Variants in SLIRP observed in about 807,000 individuals in gnomAD.
SLIRP encodes the protein SRA stem-loop interacting RNA binding protein, also known as SRA stem-loop-interacting RNA-binding protein, mitochondrial.
Under a neutral mutation model 13.4 loss-of-function variants are expected in SLIRP, and 12 were observed. The ratio of observed to expected loss-of-function variants is 0.89; its 90% CI spans 0.57 to 1.45. The LOEUF (loss-of-function observed/expected upper bound fraction) is 1.45. SLIRP is among the 40% of genes most tolerant of loss of function. The pLI, the probability that SLIRP is intolerant of heterozygous loss-of-function variation, is 0.00. For missense variants in SLIRP, 154 were observed against 132.2 expected, an observed-to-expected ratio of 1.17 and a Z score of -0.81; for synonymous variants, 55 against 47.1, an observed-to-expected ratio of 1.17 and a Z score of -0.69.
At chr14:77,716,035 G>A (rs2080474941) in intron 3 of SLIRP, 156 bp downstream of exon 3, 11 of 655,528 alleles carry the variant, frequency 1.7e-5, no homozygotes, top group Non-Finnish European at 2.8e-5. Context: ...GTGGGGTGGA[G>A]GCTGGGCACG....
chr14:77,709,502 T>G lies in SLIRP; in HGVS notation c.97+1294T>G, dbSNP rs2080423882. 1.3e-5 allele frequency among the ~76,000 whole-genome samples: 2 copies of G among 152,228 alleles called. 1 individual carries two copies. Among genetic ancestry groups the G allele is most frequent in the South Asian group, 4.1e-4 (2 of 4,834 alleles). On this transcript the variant is annotated intron_variant, in intron 1 of 3. Transcript: ENST00000557342. ...CATTAGCATCTTGCGGATGCAAGTT[T>G]CCAGACAATAAAGGGCTAGTTTAAA... is the stretch of plus-strand genomic sequence containing the variant.
In SLIRP at chr14:77,717,485, AT is replaced by A; in HGVS notation, c.265-4del. 1 of 1,611,496 alleles carries A rather than the reference AT, an allele frequency of 6.2e-7. No individual in the cohort carries two copies. Among genetic ancestry groups the A allele is most frequent in the South Asian group, 1.1e-5 (1 of 90,334 alleles). ...TTGCCTTTCCTCCCTTACAGTGCTTATTTTTTTAAGGTCCAGGTTCACACTA... is the reference window on the plus strand; with the variant it reads ...TTGCCTTTCCTCCCTTACAGTGCTTATTTTTTAAGGTCCAGGTTCACACTA... On this transcript the variant is annotated splice_polypyrimidine_tract_variant and intron_variant, in intron 3 of 3. Transcript: ENST00000557342.
In SLIRP at chr14:77,716,865, G is replaced by C. The variant is rs1023308939; in HGVS notation, c.265-631G>C. On this transcript the variant is annotated intron_variant, in intron 3 of 3. Coordinates refer to ENST00000557342, the MANE Select transcript of SLIRP (RefSeq NM_031210.6). ...CAACCTCCGCCTCCTGGGTTCAAGC[G>C]ATTCTCCTGCCTCAACCTCCCGAGT... 2.0e-5 allele frequency among the ~76,000 whole-genome samples: 3 copies of C among 151,904 alleles called. No homozygotes were observed. In the East Asian group the frequency reaches 5.9e-4, roughly 30 times the overall value.
At chr14:77,714,686 A>G (rs751401857) in intron 2 of SLIRP, among the ~76,000 whole-genome samples, 10 of 152,260 alleles carry the variant, frequency 6.6e-5, no homozygotes, top group Non-Finnish European at 1.3e-4. Context: ...TGTATCTACA[A>G]TGAATGGATC....
chr14:77,709,308 A>G (rs527575517), intron 1 of SLIRP, among the ~76,000 whole-genome samples: 1 of 152,362 alleles, frequency 6.6e-6, no homozygotes, highest in African/African-American at 2.4e-5. Flanking sequence ...TGGAAACAAA[A>G]TGGAGCAAGA....
chr14:77,717,586 A>C lies in SLIRP; in HGVS notation c.*25A>C, dbSNP rs2139886115. 1.3e-6 allele frequency: 2 copies of C among 1,582,586 alleles called. No homozygotes were observed. Among genetic ancestry groups the C allele is most frequent in the East Asian group, 2.2e-5 (1 of 44,712 alleles). On this transcript the variant is annotated 3_prime_UTR_variant, in exon 4 of 4. Coordinates refer to ENST00000557342, the MANE Select transcript of SLIRP (RefSeq NM_031210.6). ...AGACTGCAGCCTATTAATAAAGTTA[A>C]CATAACTGAGAATTTTGTCTAAATG...
intron 2 of SLIRP, among the ~76,000 whole-genome samples, chr14:77,714,427 G>C (rs2080461331): frequency 1.3e-5 from 2 of 152,154 alleles, no homozygotes; most frequent in Non-Finnish European, 2.9e-5. Flanking sequence ...CAGTCACCCA[G>C]ATAGCTGGGA....
chr14:77,709,452 A>G (rs2080423223), intron 1 of SLIRP, among the ~76,000 whole-genome samples: 1 of 152,174 alleles, frequency 6.6e-6, no homozygotes. Context: ...TCCCTGTGAA[A>G]CTTTATGGAA....
chr14:77,712,883 A>G (rs915048390), intron 2 of SLIRP, among the ~76,000 whole-genome samples: 5 of 152,220 alleles, frequency 3.3e-5, no homozygotes, highest in African/African-American at 1.2e-4. Flanking sequence ...ACAATATGGC[A>G]GCTTGCTTCT....
At chr14:77,709,125 T>TA (rs1313867751) in intron 1 of SLIRP, among the ~76,000 whole-genome samples, 1 of 152,238 alleles carries the variant, frequency 6.6e-6, no homozygotes, top group Non-Finnish European at 1.5e-5. Flanking sequence ...AATTGAAACT[T>TA]ACGGGAGAGG....
chr14:77,715,190 A>G (rs1348927923), intron 2 of SLIRP, among the ~76,000 whole-genome samples: 1 of 151,966 alleles, frequency 6.6e-6, no homozygotes, highest in East Asian at 1.9e-4. Flanking sequence ...CTTAGCTATT[A>G]CTGTTAGTAT....
chr14:77,717,388 C>T (rs958540702), intron 3 of SLIRP, 108 bp from the exon 4 acceptor site: 1 of 907,606 alleles, frequency 1.1e-6, no homozygotes, highest in African/African-American at 1.7e-5. Flanking sequence ...CAAATAAAAA[C>T]TGCCTGGGTT....
intron 2 of SLIRP, among the ~76,000 whole-genome samples, chr14:77,713,933 G>A (rs567212612): frequency 3.9e-5 from 6 of 152,202 alleles, no homozygotes; most frequent in African/African-American, 7.2e-5. Flanking sequence ...AATAAAAGGC[G>A]GCTTTGATGT....
At chr14:77,714,253 C>T (rs2080459983) in intron 2 of SLIRP, among the ~76,000 whole-genome samples, 1 of 152,162 alleles carries the variant, frequency 6.6e-6, no homozygotes, top group Admixed American at 6.5e-5. Context: ...GCAGTCTACT[C>T]ACCTCAGCTC....
At position 77,708,146 on chromosome 14, in the gene SLIRP, T is replaced by C; in HGVS notation, c.35T>C (p.Leu12Pro). ...TCAGCAGCGAGAGGTGCTGCGGCGC[T>C]GCGTAGAAGTATCAATCAGCCGGTT... ...AASAARGAAA[L>P]RRSINQPVAF... is the part of the protein sequence containing the mutation. Residue 12 changes from leucine (L) to proline (P), a missense_variant, in exon 1 of 4, where the codon CTG (leucine) becomes CCG (proline). Leu to Pro is a moderately conservative substitution (Grantham distance 98). Transcript: ENST00000557342. The C allele has an allele frequency of 6.2e-7, 1 of 1,614,154 alleles. No homozygotes were observed. The highest frequency in any genetic ancestry group is 8.5e-7 in the Non-Finnish European group (1 of 1,180,014).
Position 77,708,131 on chromosome 14 carries a change from G to T in SLIRP, c.20G>T (p.Arg7Ile), listed in dbSNP as rs1457090032. The change falls in exon 1 of 4, where the codon AGA becomes ATA. Residue 7 changes from arginine (R) to isoleucine (I), a missense_variant. Arg to Ile is a moderately conservative substitution (Grantham distance 97). Coordinates refer to ENST00000557342, the MANE Select transcript of SLIRP (RefSeq NM_031210.6). Reference protein sequence around the residue: MAASAARGAAALRRSIN... With the variant: MAASAAIGAAALRRSIN... The stretch of plus-strand genomic sequence containing the variant: ...CTGAAGATGGCGGCCTCAGCAGCGA[G>T]AGGTGCTGCGGCGCTGCGTAGAAGT... 15 of 1,614,038 alleles carry T rather than the reference G, an allele frequency of 9.3e-6. No homozygotes were observed. Among genetic ancestry groups the T allele is most frequent in the Non-Finnish European group, 9.3e-6 (11 of 1,180,036 alleles).
At chr14:77,716,852 C>T (rs1336999151) in intron 3 of SLIRP, among the ~76,000 whole-genome samples, 1 of 151,976 alleles carries the variant, frequency 6.6e-6, no homozygotes. Flanking sequence ...ACCTCCGCCT[C>T]CTGGGTTCAA....
intron 3 of SLIRP, 43 bp from the exon 4 acceptor site, chr14:77,717,453 G>A (rs1415266324): frequency 6.5e-7 from 1 of 1,536,234 alleles, no homozygotes; most frequent in African/African-American, 1.4e-5. Flanking sequence ...GAATGTTTTT[G>A]CAGACATTGC....
At chr14:77,713,174 G>A (rs184737074) in intron 2 of SLIRP, among the ~76,000 whole-genome samples, 37 of 152,202 alleles carry the variant, frequency 2.4e-4, no homozygotes, top group African/African-American at 8.4e-4. Context: ...TCTTCATTGA[G>A]TACCATTTTC....
Sources: allele counts gnomAD v4.1 joint callset (sites outside exome capture counted in the v4.1 genomes callset), GRCh38; gene constraint gnomAD v4.1.1; transcripts MANE v1.5; gene names NCBI Gene and HGNC (gene_info 2026-07-23, HGNC 2026-07-21).